The following RIN2 variants were observed in gnomAD, a reference collection of about 807,000 sequenced individuals.
RIN2 encodes RAB5 interacting protein 2.
Under a neutral mutation model 78.0 loss-of-function variants are expected in RIN2, and 36 were observed. The ratio of observed to expected loss-of-function variants is 0.46; its 90% confidence interval spans 0.35 to 0.61. The LOEUF (loss-of-function observed/expected upper bound fraction) is 0.61. Ranked by LOEUF, RIN2 falls within the 20% of genes least tolerant of loss-of-function variation. The pLI, the probability that RIN2 is intolerant of heterozygous loss-of-function variation, is 0.00. For synonymous variants in RIN2, 466 were observed against 466.8 expected (o/e 1.00, Z 0.02); for missense variants, 1,087 against 1,159.7 (o/e 0.94, Z 0.91).
rs1179791300 is a variant in RIN2 at position 19,935,199 on chromosome 20, G to A, written c.158G>A (p.Ser53Asn). Reference protein sequence around the residue: ...ENGLEPAETHSMVRHKDGGYS... With the variant: ...ENGLEPAETHNMVRHKDGGYS... ...GGCCTGGAACCCGCTGAAACCCACA[G>A]GTGACCAGAGACACGGTTAGGTGAT... The change falls in exon 4 of 13, where the codon AGC becomes AAC. Residue 53 changes from serine (S) to asparagine (N), a missense_variant and splice_region_variant. Transcript: ENST00000255006. 6.3e-7 allele frequency: 1 copy of A among 1,593,724 alleles called. No individual in the cohort carries two copies. Among genetic ancestry groups the A allele is most frequent in the Non-Finnish European group, 8.5e-7 (1 of 1,169,984 alleles).
intron 2 of RIN2, among the ~76,000 whole-genome samples, chr20:19,855,418 C>T (rs1453794013): frequency 6.6e-6 from 1 of 152,140 alleles, no homozygotes; most frequent in Admixed American, 6.6e-5. Context: ...GGAGGATTCC[C>T]TCTTTTTCTA....
intron 2 of RIN2, among the ~76,000 whole-genome samples, chr20:19,880,241 ACT>A (rs2037979619): frequency 7.7e-6 from 1 of 130,642 alleles, no homozygotes; most frequent in Admixed American, 8.2e-5. Context: ...ACAGAGTGAG[ACT>A]CTGTCTTAAA....
intron 3 of RIN2, among the ~76,000 whole-genome samples, chr20:19,922,707 A>G (rs1046447257): frequency 6.6e-6 from 1 of 152,128 alleles, no homozygotes; most frequent in Non-Finnish European, 1.5e-5. Context: ...TCCCTGTGGA[A>G]TGAAAGTGCC....
rs1224663738 is a variant in RIN2 at position 19,788,432 on chromosome 20, C to CAA, written c.-162-11174_-162-11173dup. 1.7e-4 allele frequency among the ~76,000 whole-genome samples: 9 copies of CAA among 53,742 alleles called. No individual in the cohort carries two copies. The East Asian group carries it at 1.8e-3, about 11-fold the overall frequency. The allele number at this position is 53,742 out of a possible 152,430, so 35.3% of individuals were successfully genotyped here. On this transcript the variant is annotated intron_variant, in intron 1 of 12. Transcript: ENST00000255006. ...CAACATGGCGAAATCCTGTCTCTGC[C>CAA]AAAAAAAAAAAAAAAAACAACTAGC... is the stretch of plus-strand genomic sequence containing the variant.
intron 9 of RIN2, among the ~76,000 whole-genome samples, chr20:19,981,035 G>A (rs1261457061): frequency 6.6e-6 from 1 of 151,906 alleles, no homozygotes; most frequent in Admixed American, 6.6e-5. Context: ...CTCCTCGTGG[G>A]CGGCCCTGTG....
At chr20:19,959,488 AT>A (rs2041666988) in intron 5 of RIN2, among the ~76,000 whole-genome samples, 1 of 152,184 alleles carries the variant, frequency 6.6e-6, no homozygotes, top group Admixed American at 6.5e-5. Context: ...CTATGGATGC[AT>A]CCCCATGGTG....
rs761674309 is a variant in RIN2 at position 19,956,722 on chromosome 20, G to C, written c.266G>C (p.Arg89Pro). Reference sequence around the variant, plus strand: ...TCCAACAGGCTCAGCATCTTGGACCGGCTCCTCCACACCCACCCCATATGG... The same window carrying C: ...TCCAACAGGCTCAGCATCTTGGACCCGCTCCTCCACACCCACCCCATATGG... ...SLSNRLSILD[R>P]LLHTHPIWLQ... Residue 89 changes from arginine to proline, a missense_variant, in exon 5 of 13, where the codon CGG becomes CCG. Physicochemically the swap from Arg to Pro is moderately radical, Grantham distance 103. Around this residue, in one of 8 missense-constraint regions of RIN2, gnomAD observed 706 missense variants for 667.5 expected, o/e 1.06. Coordinates refer to ENST00000255006, the MANE Select transcript of RIN2 (RefSeq NM_018993.4). 6.2e-7 allele frequency: 1 copy of C among 1,610,686 alleles called. No individual in the cohort carries two copies. Among genetic ancestry groups the C allele is most frequent in the South Asian group, 1.1e-5 (1 of 90,200 alleles).
intron 4 of RIN2, among the ~76,000 whole-genome samples, chr20:19,939,808 T>C (rs2040790695): frequency 6.6e-6 from 1 of 152,018 alleles, no homozygotes; most frequent in South Asian, 2.1e-4. Context: ...ATAGAACTTG[T>C]ACACACAGGA....
intron 2 of RIN2, among the ~76,000 whole-genome samples, chr20:19,869,590 A>G (rs1201939121): frequency 2.0e-5 from 3 of 150,466 alleles, no homozygotes; most frequent in South Asian, 2.1e-4. Context: ...AATCACTTTT[A>G]CTGCTTAGAG....
intron 4 of RIN2, among the ~76,000 whole-genome samples, chr20:19,951,653 C>T (rs112797466): frequency 1.7e-5 from 2 of 118,628 alleles, no homozygotes; most frequent in Non-Finnish European, 3.1e-5. Flanking sequence ...TTAGCATCCA[C>T]TCAATTTTTG....
intron 2 of RIN2, among the ~76,000 whole-genome samples, chr20:19,873,115 A>AT (rs1287463030): frequency 2.2e-4 from 32 of 142,728 alleles, no homozygotes; most frequent in Admixed American, 5.0e-4. Context: ...TTATTTTATT[A>AT]TTTTTATTTT....
chr20:19,778,813 C>T (rs1047856828), intron 1 of RIN2, among the ~76,000 whole-genome samples: 9 of 152,094 alleles, frequency 5.9e-5, no homozygotes, highest in South Asian at 4.2e-4. Context: ...AGAAGGAAAG[C>T]GAGGCCCAGA....
intron 2 of RIN2, among the ~76,000 whole-genome samples, chr20:19,843,236 G>A (rs990574726): frequency 6.6e-6 from 1 of 152,204 alleles, no homozygotes; most frequent in Non-Finnish European, 1.5e-5. Flanking sequence ...AAACTTAGTT[G>A]ATAAAGTAGT....
chr20:19,868,235 C>T (rs6046386), intron 2 of RIN2, among the ~76,000 whole-genome samples: 6 of 152,350 alleles, frequency 3.9e-5, no homozygotes, highest in African/African-American at 7.2e-5. Context: ...CCACAAACCA[C>T]GCATCGCCTG....
At chr20:19,910,281 AT>A (rs11319210) in intron 3 of RIN2, among the ~76,000 whole-genome samples, 40,770 of 151,594 alleles carry the variant, frequency 0.27, 6,765 homozygotes, top group East Asian at 0.54. Flanking sequence ...GGTTCAAGTG[AT>A]TTCCCCTTGA....
chr20:19,870,667 A>G (rs2037663463), intron 2 of RIN2, among the ~76,000 whole-genome samples: 1 of 152,248 alleles, frequency 6.6e-6, no homozygotes, highest in Non-Finnish European at 1.5e-5. Context: ...GAAAGAAAGA[A>G]AAAATGGTTC....
At position 19,822,287 on chromosome 20, in the gene RIN2, A is replaced by C. The variant is rs535397353; in HGVS notation, c.-37+22540A>C. Among the ~76,000 whole-genome samples the C allele has an allele frequency of 4.9e-4, 74 of 152,082 alleles. No homozygotes were observed. The East Asian group carries it at 0.013, about 26-fold the overall frequency. On this transcript the variant is annotated intron_variant, in intron 2 of 12. Transcript: ENST00000255006. ...ACATCTGAACAATGAGAGTGGCAGCACTCTTTCTTTTGATTGGGCTTCCTT... is the reference window on the plus strand; with the variant it reads ...ACATCTGAACAATGAGAGTGGCAGCCCTCTTTCTTTTGATTGGGCTTCCTT...
intron 3 of RIN2, among the ~76,000 whole-genome samples, chr20:19,916,675 T>C (rs2039698035): frequency 6.6e-6 from 1 of 152,198 alleles, no homozygotes; most frequent in East Asian, 1.9e-4. Flanking sequence ...CTAAAGCCAG[T>C]AGGTTTGGGG....
chr20:19,940,172 C>T (rs2040808872), intron 4 of RIN2, among the ~76,000 whole-genome samples: 1 of 152,158 alleles, frequency 6.6e-6, no homozygotes, highest in African/African-American at 2.4e-5. Context: ...TTTCCTGCCT[C>T]CCACCACTAG....
Sources: gnomAD v4.1 joint callset for allele counts (sites outside exome capture counted in the v4.1 genomes callset) on GRCh38, gnomAD v4.1.1 for gene constraint, gnomAD v4.1.1 regional missense constraint, MANE v1.5 for transcripts, NCBI Gene and HGNC (gene_info 2026-07-23, HGNC 2026-07-21) for gene names.